Variants in ABR observed in about 807,000 individuals in gnomAD.
ABR encodes the protein active breakpoint cluster region-related protein.
ABR carries 35 observed loss-of-function variants against 107.2 expected under a neutral mutation model. The ratio of observed to expected loss-of-function variants is 0.33; its 90% confidence interval spans 0.25 to 0.43. The LOEUF is 0.43. ABR is among the 20% of genes least tolerant of loss of function. The probability of loss-of-function intolerance (pLI) is 1.00; values close to 1 mark genes in which losing one functional copy is unlikely to be tolerated. For synonymous variants in ABR, 498 were observed against 462.0 expected (o/e 1.08, Z -1.00); for missense variants, 815 against 1,115.2 (o/e 0.73, Z 3.83).
chr17:1,225,572 A>G (rs1203871789), intron 1 of ABR, among the ~76,000 whole-genome samples: 1 of 152,092 alleles, frequency 6.6e-6, no homozygotes, highest in Non-Finnish European at 1.5e-5. Flanking sequence ...GAATCACTTG[A>G]ACCCAGGAGG....
rs547953783 is a variant in ABR at position 1,058,673 on chromosome 17, C to A, written c.1305+72G>T. On this transcript the variant is annotated intron_variant, in intron 11 of 22. Transcript: ENST00000302538. ...AGTTTCCGGTTCGTACAGGTCAGGG[C>A]CAGGAGCCACAGAGTGGGCTGCTCT... 2.5e-6 allele frequency: 4 copies of A among 1,570,328 alleles called. No individual in the cohort carries two copies. In the African/African-American group the frequency reaches 4.1e-5, roughly 16 times the overall value.
chr17:1,151,461 T>C (rs889713690), intron 1 of ABR, among the ~76,000 whole-genome samples: 2 of 152,194 alleles, frequency 1.3e-5, no homozygotes, highest in Non-Finnish European at 2.9e-5. Flanking sequence ...AACTGCTTCC[T>C]GGGCGTGACA....
chr17:1,102,780 A>T (rs759016106), intron 2 of ABR, among the ~76,000 whole-genome samples: 5 of 152,140 alleles, frequency 3.3e-5, no homozygotes, highest in African/African-American at 1.2e-4. Context: ...GCATGATCTC[A>T]GCTCACTGCA....
chr17:1,171,028 G>T (rs576494858), intron 1 of ABR, among the ~76,000 whole-genome samples: 1 of 152,012 alleles, frequency 6.6e-6, no homozygotes, highest in African/African-American at 2.4e-5. Flanking sequence ...ACACTGCCAC[G>T]CCGACTCTAC....
chr17:1,020,633 G>A (rs1467702081), intron 16 of ABR, among the ~76,000 whole-genome samples: 5 of 152,290 alleles, frequency 3.3e-5, no homozygotes, highest in Admixed American at 6.5e-5. Flanking sequence ...GGTGGAGGTC[G>A]CCTCGCCTTT....
intron 16 of ABR, among the ~76,000 whole-genome samples, chr17:1,026,213 G>A (rs2072181449): frequency 6.6e-6 from 1 of 152,352 alleles, no homozygotes; most frequent in Middle Eastern, 3.4e-3. Context: ...GTACTCGCGG[G>A]CACACAGCAG....
At chr17:1,227,831 C>A (rs1260731565) in intron 1 of ABR, among the ~76,000 whole-genome samples, 3 of 152,270 alleles carry the variant, frequency 2.0e-5, no homozygotes, top group South Asian at 4.2e-4. Context: ...CATTCCCACT[C>A]CCTGACCTAG....
chr17:1,112,432 A>G (rs2038726200), intron 2 of ABR, among the ~76,000 whole-genome samples: 1 of 152,216 alleles, frequency 6.6e-6, no homozygotes, highest in Admixed American at 6.5e-5. Flanking sequence ...CCGAAAGGAA[A>G]GGGTTAAGCA....
At chr17:1,218,214 T>C (rs1384193290) in intron 1 of ABR, among the ~76,000 whole-genome samples, 1 of 152,186 alleles carries the variant, frequency 6.6e-6, no homozygotes, top group African/African-American at 2.4e-5. Flanking sequence ...CCCCATTGTA[T>C]AGAAAAGAAA....
At position 1,005,716 on chromosome 17, in the gene ABR, G is replaced by A. The variant is rs769943686; in HGVS notation, c.*364C>T. 21 of 302,596 alleles carry A rather than the reference G, an allele frequency of 6.9e-5. No homozygotes were observed. Among genetic ancestry groups the A allele is most frequent in the Non-Finnish European group, 8.1e-5 (13 of 159,744 alleles). The allele number at this position is 302,596 out of a possible 1,614,324, so 18.7% of individuals were successfully genotyped here. The stretch of plus-strand genomic sequence containing the variant: ...AAAAGGCCTTGGGCTGGACTCAGGC[G>A]GAAAGAAAGTGCTGGAGGAAATGAA... On this transcript the variant is annotated 3_prime_UTR_variant, in exon 23 of 23. Transcript: ENST00000302538.
At chr17:1,124,890 G>A (rs2039519917) in intron 2 of ABR, among the ~76,000 whole-genome samples, 1 of 152,192 alleles carries the variant, frequency 6.6e-6, no homozygotes, top group African/African-American at 2.4e-5. Flanking sequence ...GAGGAGACAG[G>A]CTAACAGGGG....
chr17:1,149,183 G>A (rs1383855718), intron 1 of ABR, among the ~76,000 whole-genome samples: 1 of 152,054 alleles, frequency 6.6e-6, no homozygotes, highest in African/African-American at 2.4e-5. Context: ...GATTACAGGC[G>A]TGAGCTACCT....
At chr17:1,018,198 A>G (rs903347638) in intron 16 of ABR, among the ~76,000 whole-genome samples, 2 of 150,584 alleles carry the variant, frequency 1.3e-5, no homozygotes, top group Non-Finnish European at 3.0e-5. Context: ...GCCCGCCACC[A>G]CCCCCGGCTA....
At chr17:1,207,701 A>G (rs1339234392) in intron 1 of ABR, among the ~76,000 whole-genome samples, 1 of 151,512 alleles carries the variant, frequency 6.6e-6, no homozygotes, top group African/African-American at 2.4e-5. Flanking sequence ...TGTTGGAATC[A>G]CAGACCTTAT....
rs999309820 is a variant in ABR at position 1,050,148 on chromosome 17, G to A, written c.1693C>T (p.Leu565=). The A allele has an allele frequency of 1.2e-6, 2 of 1,613,876 alleles. No homozygotes were observed. Among genetic ancestry groups the A allele is most frequent in the Admixed American group, 1.7e-5 (1 of 59,982 alleles). ...CACTTCTCATAGCACAGGATCCTCA[G>A]GGACTGGGAGCCCTCCAGCTCGATC... The part of the protein sequence containing the change: ...FEIELEGSQS[L]RILCYEKCYD... Residue 565 remains leucine, a synonymous_variant, in exon 16 of 23, where the codon CTG becomes TTG. Coordinates refer to ENST00000302538, the MANE Select transcript of ABR (RefSeq NM_021962.5). This position sits in a 1 kb window ranked among gnomAD's most constrained non-coding sequence, Gnocchi z 4.6.
chr17:1,185,668 A>T (rs1250578434), intron 1 of ABR, among the ~76,000 whole-genome samples: 5 of 149,678 alleles, frequency 3.3e-5, no homozygotes, highest in African/African-American at 4.9e-5. Context: ...AAAAAAAAAA[A>T]AAAAAAAAAA....
At chr17:1,214,189 A>G (rs1016490939) in intron 1 of ABR, among the ~76,000 whole-genome samples, 1 of 151,964 alleles carries the variant, frequency 6.6e-6, no homozygotes, top group Non-Finnish European at 1.5e-5. Context: ...CCGGCCTGAG[A>G]TGTGAAATGT....
At chr17:1,028,098 C>G (rs1331905871) in intron 16 of ABR, among the ~76,000 whole-genome samples, 2 of 151,814 alleles carry the variant, frequency 1.3e-5, no homozygotes, top group Non-Finnish European at 2.9e-5. Context: ...ACCCTTTCCT[C>G]CCCCCACCCC....
At chr17:1,012,067 C>A (rs1452719641) in intron 18 of ABR, 82 bp from the exon 19 acceptor site, 1 of 1,590,762 alleles carries the variant, frequency 6.3e-7, no homozygotes, top group Non-Finnish European at 8.6e-7. Context: ...ACACACACAC[C>A]CTGGAGAGCT....
Sources: gnomAD v4.1 joint callset for allele counts (sites outside exome capture counted in the v4.1 genomes callset) on GRCh38, gnomAD v4.1.1 for gene constraint, Gnocchi (gnomAD v3.1) non-coding constraint, MANE v1.5 for transcripts, NCBI Gene and HGNC (gene_info 2026-07-23, HGNC 2026-07-21) for gene names.